Variants in SLC37A3 observed in about 807,000 individuals in gnomAD.
SLC37A3 encodes solute carrier family 37 member 3, also known as sugar phosphate exchanger 3.
A neutral mutation model predicts 67.1 loss-of-function variants in SLC37A3; 51 were observed. The ratio of observed to expected loss-of-function variants is 0.76; its 90% CI spans 0.61 to 0.96. SLC37A3 has a LOEUF of 0.96. Among genes scored for constraint, SLC37A3 ranks in the 40% least tolerant of loss-of-function variants. The probability of loss-of-function intolerance (pLI) is 0.00; values close to 1 mark genes in which losing one functional copy is unlikely to be tolerated. For missense variants in SLC37A3, 508 were observed against 603.0 expected, an observed-to-expected ratio of 0.84 and a Z score of 1.65; for synonymous variants, 214 against 231.4, an observed-to-expected ratio of 0.92 and a Z score of 0.68.
At chr7:140,375,067 TC>T (rs1797975047) in intron 3 of SLC37A3, among the ~76,000 whole-genome samples, 1 of 132,656 alleles carries the variant, frequency 7.5e-6, no homozygotes, top group South Asian at 2.5e-4. Flanking sequence ...AATCGAAGAA[TC>T]GCTTCAACCC....
rs1424244201 is a variant in SLC37A3 at position 140,348,670 on chromosome 7, T to C, written c.980A>G (p.Glu327Gly). 2 of 1,614,014 alleles carry C rather than the reference T, an allele frequency of 1.2e-6. No individual in the cohort carries two copies. Among genetic ancestry groups the C allele is most frequent in the Non-Finnish European group, 1.7e-6 (2 of 1,180,042 alleles). ...GTACCAAATGGACAGCTTGTCGGCT[T>C]CCGCCTCCTTCCAGCCGAAGTTGTT... ...LSNNFGWKEA[E>G]ADKLSIWYDV... The change falls in exon 10 of 15, where the codon GAA (glutamate) becomes GGA (glycine). Residue 327 changes from glutamate (E) to glycine (G), a missense_variant. Coordinates refer to ENST00000326232, the MANE Select transcript of SLC37A3 (RefSeq NM_207113.3).
chr7:140,340,062 A>G (rs1299007203), intron 13 of SLC37A3, among the ~76,000 whole-genome samples: 1 of 152,124 alleles, frequency 6.6e-6, no homozygotes, highest in Non-Finnish European at 1.5e-5. Flanking sequence ...AATTACAGCC[A>G]TCGTAGTAAG....
chr7:140,364,601 C>G, intron 4 of SLC37A3, 110 bp from the exon 5 acceptor site: 1 of 1,007,024 alleles, frequency 9.9e-7, no homozygotes, highest in Non-Finnish European at 1.5e-6. Flanking sequence ...AAAATTAACT[C>G]TTATACACAT....
At position 140,337,136 on chromosome 7, in the gene SLC37A3, A is replaced by G. The variant is rs1796173093; in HGVS notation, c.1392+148T>C. The G allele has an allele frequency of 8.9e-6, 4 of 451,762 alleles. No homozygotes were observed. The East Asian group carries it at 1.1e-4, about 13-fold the overall frequency. The allele number at this position is 451,762 out of a possible 1,614,324, so 28.0% of individuals were successfully genotyped here. On this transcript the variant is annotated intron_variant, in intron 14 of 14. Coordinates refer to ENST00000326232, the MANE Select transcript of SLC37A3 (RefSeq NM_207113.3). Reference sequence around the variant, plus strand: ...AAAAAAAAAGAAGAAGAAGAAGAAGAAGATGTCTTTTAGACTAATAAAATG... The same window carrying G: ...AAAAAAAAAGAAGAAGAAGAAGAAGGAGATGTCTTTTAGACTAATAAAATG...
At chr7:140,394,796 A>G (rs1413605025) in intron 1 of SLC37A3, among the ~76,000 whole-genome samples, 3 of 151,080 alleles carry the variant, frequency 2.0e-5, no homozygotes, top group African/African-American at 7.3e-5. Flanking sequence ...TTTAGTAGAG[A>G]CAGGGTTTCA....
chr7:140,344,683 G>C (rs1796485469), intron 12 of SLC37A3, among the ~76,000 whole-genome samples: 1 of 152,196 alleles, frequency 6.6e-6, no homozygotes, highest in African/African-American at 2.4e-5. Context: ...TTGAACCCAA[G>C]AGGTGTAGGT....
intron 8 of SLC37A3, 129 bp from the exon 9 acceptor site, chr7:140,351,580 G>C (rs1796803814): frequency 3.2e-6 from 3 of 927,528 alleles, no homozygotes; most frequent in Non-Finnish European, 4.8e-6. Flanking sequence ...AAGGTCCAGA[G>C]ACCGAGGTCA....
chr7:140,369,682 T>C lies in SLC37A3; in HGVS notation c.199A>G (p.Ile67Val). 6.2e-7 allele frequency: 1 copy of C among 1,613,602 alleles called. No individual in the cohort carries two copies. Among genetic ancestry groups the C allele is most frequent in the Middle Eastern group, 1.7e-4 (1 of 6,060 alleles). ...FNTSVELPVEIWSSNHLFPSA... is the reference protein window; with the variant it reads ...FNTSVELPVEVWSSNHLFPSA... The stretch of plus-strand genomic sequence containing the variant: ...GGGAACAAATGGTTGCTGCTCCAGA[T>C]CTACAGTAAGACAGCAGGAACAGGT... Residue 67 changes from isoleucine (I) to valine (V), a missense_variant and splice_region_variant, in exon 4 of 15, where the codon ATC becomes GTC. Coordinates refer to ENST00000326232, the MANE Select transcript of SLC37A3 (RefSeq NM_207113.3).
chr7:140,351,138 A>G, intron 9 of SLC37A3, 135 bp downstream of exon 9: 2 of 838,068 alleles, frequency 2.4e-6, no homozygotes, highest in East Asian at 2.8e-5. Context: ...ACTAGACAAC[A>G]TTCCTCAGCA....
In SLC37A3 at chr7:140,355,704, C is replaced by T. The variant is rs149128568; in HGVS notation, c.582G>A (p.Ala194=). ...ACTGAAGAACAGAAGAAGCTAGGCA[C>T]GCTCCCAAAATGTTGCCCACCGAAG... ...ACASVGNILG[A]CLASSVLQYG... Residue 194 remains alanine, a synonymous_variant, in exon 7 of 15, where the codon GCG becomes GCA. Coordinates refer to ENST00000326232, the MANE Select transcript of SLC37A3 (RefSeq NM_207113.3). 81 of 1,613,858 alleles carry T rather than the reference C, an allele frequency of 5.0e-5. 1 individual carries two copies. In the African/African-American group the frequency reaches 8.4e-4, roughly 17 times the overall value.
rs7792727 is a variant in SLC37A3, at chr7:140,375,580, G to C, written c.198+4702C>G. ...TTAATCCATGTCAAGTGAATAATGT[G>C]CCCACGTTGTAACAAGGTTCAAGGG... On this transcript the variant is annotated intron_variant, in intron 3 of 14. Transcript: ENST00000326232. Among the ~76,000 whole-genome samples, 527 of 152,154 alleles carry C rather than the reference G, an allele frequency of 3.5e-3. 4 individuals carry two copies. Among genetic ancestry groups the C allele is most frequent in the African/African-American group, 0.012 (503 of 41,514 alleles).
At chr7:140,359,843 A>C (rs1472345110) in intron 5 of SLC37A3, among the ~76,000 whole-genome samples, 1 of 152,194 alleles carries the variant, frequency 6.6e-6, no homozygotes, top group East Asian at 1.9e-4. Context: ...ATTTGTTGAA[A>C]AGTCTGAACA....
chr7:140,358,640 C>A lies in SLC37A3; in HGVS notation c.521G>T (p.Gly174Val), dbSNP rs894419545. ...ATTAGAGAGGAAGGAAGTGGCATAC[C>A]CGGCTTTCCCAAACCAGTTGCCCAT... ...AVMGNWFGKA[G>V]RGVVFGLWSA... is the part of the protein sequence containing the mutation. Residue 174 changes from glycine (G) to valine (V), a missense_variant and splice_region_variant, in exon 6 of 15, where the codon GGA (glycine) becomes GTA (valine). By Grantham distance (109) the Gly-to-Val change is moderately radical. Coordinates refer to ENST00000326232, the MANE Select transcript of SLC37A3 (RefSeq NM_207113.3). The A allele has an allele frequency of 3.0e-5, 49 of 1,613,814 alleles. No homozygotes were observed. The highest frequency in any genetic ancestry group is 4.1e-5 in the Non-Finnish European group (48 of 1,179,976).
At chr7:140,353,314 C>A (rs1585279733) in intron 7 of SLC37A3, among the ~76,000 whole-genome samples, 1 of 151,898 alleles carries the variant, frequency 6.6e-6, no homozygotes, top group Admixed American at 6.6e-5. Flanking sequence ...GAAACCCCAT[C>A]TCTACTAAAA....
At chr7:140,343,886 C>A in intron 12 of SLC37A3, 1 of 277,840 alleles carries the variant, frequency 3.6e-6, no homozygotes, top group South Asian at 3.4e-5. Flanking sequence ...AATTCTATTA[C>A]GGTAGTTGCA....
chr7:140,359,073 C>A (rs569283806), intron 5 of SLC37A3, among the ~76,000 whole-genome samples: 2 of 152,082 alleles, frequency 1.3e-5, no homozygotes, highest in South Asian at 4.2e-4. Flanking sequence ...AATTCCAGGC[C>A]GGGCTCACGC....
intron 5 of SLC37A3, among the ~76,000 whole-genome samples, chr7:140,362,160 G>A (rs1337738146): frequency 2.1e-5 from 3 of 140,232 alleles, no homozygotes; most frequent in African/African-American, 5.3e-5. Flanking sequence ...CCTCTTCCCC[G>A]CCGCCCATTG....
chr7:140,343,396 T>TCTC lies in SLC37A3; in HGVS notation c.1326+13_1326+15dup. The TCTC allele has an allele frequency of 6.2e-7, 1 of 1,612,708 alleles. No homozygotes were observed. The highest frequency in any genetic ancestry group is 1.3e-5 in the African/African-American group (1 of 74,942). ...GGGAAGACACTAGAATCCCAGCCCCTCTCCTGTTCTCTCACCTGGCCCACT... is the reference window on the plus strand; with the variant it reads ...GGGAAGACACTAGAATCCCAGCCCCTCTCCTCCTGTTCTCTCACCTGGCCCACT... On this transcript the variant is annotated intron_variant, in intron 13 of 14. Transcript: ENST00000326232.
chr7:140,359,507 C>G (rs566784815), intron 5 of SLC37A3, among the ~76,000 whole-genome samples: 2 of 152,174 alleles, frequency 1.3e-5, no homozygotes, highest in South Asian at 4.1e-4. Context: ...CTGCTATGGG[C>G]AGAGGCACGG....
Sources: gnomAD v4.1 joint callset for allele counts (sites outside exome capture counted in the v4.1 genomes callset) on GRCh38, gnomAD v4.1.1 for gene constraint, MANE v1.5 for transcripts, NCBI Gene and HGNC (gene_info 2026-07-23, HGNC 2026-07-21) for gene names.